The following TRPC6 variants were observed in gnomAD, a reference collection of about 807,000 sequenced individuals.
TRPC6 encodes short transient receptor potential channel 6.
A neutral mutation model predicts 90.7 loss-of-function variants in TRPC6; 55 were observed. The observed-to-expected ratio is 0.61, with a 90% CI of 0.49 to 0.76. TRPC6 has a LOEUF of 0.76. Ranked by LOEUF, TRPC6 falls within the 30% of genes least tolerant of loss-of-function variation. The pLI is 0.00. For missense variants in TRPC6, 989 were observed against 1,122.7 expected, an observed-to-expected ratio of 0.88 and a Z score of 1.70; for synonymous variants, 393 against 393.0, an observed-to-expected ratio of 1.00 and a Z score of 0.00.
Position 101,548,280 on chromosome 11 carries a change from A to ATATATATATATATATAATT in TRPC6, c.170+35053_170+35054insAATTATATATATATATATA, listed in dbSNP as rs71303295. On this transcript the variant is annotated intron_variant, in intron 1 of 12. Transcript: ENST00000344327. ...ATATATACATATATATATAATTTAT[A>ATATATATATATATATAATT]TATATAATTATATATAATTGAAATA... Among the ~76,000 whole-genome samples the ATATATATATATATATAATT allele has an allele frequency of 1.3e-3, 176 of 135,428 alleles. 6 individuals carry two copies. Among genetic ancestry groups the ATATATATATATATATAATT allele is most frequent in the Non-Finnish European group, 1.8e-3 (114 of 61,816 alleles). 88.8% of individuals were successfully genotyped at this position (135,428 alleles called of 152,430 possible).
intron 1 of TRPC6, among the ~76,000 whole-genome samples, chr11:101,573,826 T>C (rs1353260574): frequency 6.6e-6 from 1 of 151,932 alleles, no homozygotes; most frequent in Non-Finnish European, 1.5e-5. Context: ...CCAACATTAA[T>C]AACAATGGCA....
intron 10 of TRPC6, among the ~76,000 whole-genome samples, chr11:101,461,082 G>A (rs1858994208): frequency 6.6e-6 from 1 of 152,158 alleles, no homozygotes; most frequent in South Asian, 2.1e-4. Context: ...TGGTACACAT[G>A]TTAAAAATGA....
At chr11:101,530,140 A>C (rs1479314932) in intron 1 of TRPC6, among the ~76,000 whole-genome samples, 1 of 152,056 alleles carries the variant, frequency 6.6e-6, no homozygotes, top group Non-Finnish European at 1.5e-5. Context: ...ACCTGCTGGG[A>C]GACACACCCA....
chr11:101,460,018 A>G (rs1480602036), intron 10 of TRPC6, among the ~76,000 whole-genome samples: 1 of 152,218 alleles, frequency 6.6e-6, no homozygotes, highest in Non-Finnish European at 1.5e-5. Flanking sequence ...GAAGGGGCAG[A>G]GATGTACACT....
intron 2 of TRPC6, among the ~76,000 whole-genome samples, chr11:101,499,684 C>T (rs1374336064): frequency 8.9e-6 from 1 of 112,882 alleles, no homozygotes; most frequent in South Asian, 2.8e-4. Context: ...TATATATACA[C>T]AATATAAAAT....
chr11:101,507,008 C>CTA, intron 1 of TRPC6, among the ~76,000 whole-genome samples: 1 of 7,798 alleles, frequency 1.3e-4, no homozygotes, highest in Admixed American at 2.2e-3. Context: ...CTCTCTCTAA[C>CTA]ACACACACAC....
At chr11:101,473,798 T>G (rs765047125) in intron 6 of TRPC6, 25 bp from the exon 7 acceptor site, 1 of 1,612,698 alleles carries the variant, frequency 6.2e-7, no homozygotes, top group Admixed American at 1.7e-5. Flanking sequence ...AGACAAAGAG[T>G]TGTGTGAGTT....
chr11:101,487,905 T>C (rs1565213526), intron 4 of TRPC6, among the ~76,000 whole-genome samples: 2 of 152,158 alleles, frequency 1.3e-5, no homozygotes, highest in South Asian at 2.1e-4. Flanking sequence ...GCATGAGTCA[T>C]TTTGAACAGC....
Position 101,583,748 on chromosome 11 carries a change from G to T in TRPC6, c.-245C>A. 2.4e-6 allele frequency: 1 copy of T among 411,206 alleles called. No homozygotes were observed. Among genetic ancestry groups the T allele is most frequent in the Non-Finnish European group, 4.2e-6 (1 of 235,746 alleles). 25.5% of individuals were successfully genotyped at this position (411,206 alleles called of 1,614,324 possible). Reference sequence around the variant, plus strand: ...TCTTGACCTGAGCAGGTCAGGCCGAGGAGACCCCGCGAGGATGCGTCTGGG... The same window carrying T: ...TCTTGACCTGAGCAGGTCAGGCCGATGAGACCCCGCGAGGATGCGTCTGGG... On this transcript the variant is annotated 5_prime_UTR_variant, in exon 1 of 13. Coordinates refer to ENST00000344327, the MANE Select transcript of TRPC6 (RefSeq NM_004621.6).
In TRPC6 at chr11:101,583,805, G is replaced by A; in HGVS notation, c.-302C>T. The A allele has an allele frequency of 2.9e-6, 1 of 340,360 alleles. No homozygotes were observed. Among genetic ancestry groups the A allele is most frequent in the Non-Finnish European group, 5.3e-6 (1 of 188,438 alleles). The allele number at this position is 340,360 out of a possible 1,614,324, so 21.1% of individuals were successfully genotyped here. ...GGGCAGAGAGGGCACAGGCGGGGCC[G>A]CTGGTGGTAGCGAAGCGTAAGAGCG... is the stretch of plus-strand genomic sequence containing the variant. On this transcript the variant is annotated 5_prime_UTR_variant, in exon 1 of 13. Coordinates refer to ENST00000344327, the MANE Select transcript of TRPC6 (RefSeq NM_004621.6).
rs117979882 is a variant in TRPC6 at position 101,573,059 on chromosome 11, T to A, written c.170+10275A>T. On this transcript the variant is annotated intron_variant, in intron 1 of 12. Coordinates refer to ENST00000344327, the MANE Select transcript of TRPC6 (RefSeq NM_004621.6). ...AAGCTCCAAGAATATAAAACTCCAATAAGGTATTTCTAAAAATGCTAAGAT... is the reference window on the plus strand; with the variant it reads ...AAGCTCCAAGAATATAAAACTCCAAAAAGGTATTTCTAAAAATGCTAAGAT... Among the ~76,000 whole-genome samples, 380 of 150,612 alleles carry A rather than the reference T, an allele frequency of 2.5e-3. 17 individuals carry two copies. In the East Asian group the frequency reaches 0.065, roughly 26 times the overall value.
In TRPC6 at chr11:101,528,034, C is replaced by T. The variant is rs1319982151; in HGVS notation, c.171-23236G>A. On this transcript the variant is annotated intron_variant, in intron 1 of 12. Transcript: ENST00000344327. ...GTTGCAATGAGCCGAGATCGTGCCA[C>T]TGCACTCCAGCCTAGGTGACAGAGT... Among the ~76,000 whole-genome samples, 4 of 152,128 alleles carry T rather than the reference C, an allele frequency of 2.6e-5. No individual in the cohort carries two copies. In the East Asian group the frequency reaches 7.7e-4, roughly 29 times the overall value.
intron 12 of TRPC6, among the ~76,000 whole-genome samples, chr11:101,453,421 AC>A (rs1858808935): frequency 6.6e-6 from 1 of 152,006 alleles, no homozygotes; most frequent in South Asian, 2.1e-4. Flanking sequence ...CTCCAAGTCC[AC>A]CATAAGAATG....
At chr11:101,531,095 C>A (rs990161661) in intron 1 of TRPC6, among the ~76,000 whole-genome samples, 5 of 152,204 alleles carry the variant, frequency 3.3e-5, no homozygotes, top group African/African-American at 1.2e-4. Context: ...CATACACACA[C>A]ATACACACAC....
intron 10 of TRPC6, chr11:101,455,699 C>T (rs1858867170): frequency 6.6e-6 from 1 of 152,442 alleles, no homozygotes; most frequent in Admixed American, 6.5e-5. Context: ...TGCAATAAAG[C>T]ATACCTTATT....
chr11:101,565,244 A>G (rs954397558), intron 1 of TRPC6, among the ~76,000 whole-genome samples: 5 of 152,138 alleles, frequency 3.3e-5, no homozygotes, highest in African/African-American at 1.2e-4. Context: ...ACAGCAAAGA[A>G]AACAATCAAC....
chr11:101,565,831 G>A (rs891290215), intron 1 of TRPC6, among the ~76,000 whole-genome samples: 5 of 152,008 alleles, frequency 3.3e-5, no homozygotes, highest in African/African-American at 4.8e-5. Context: ...CACAGTAACT[G>A]TTTCATAGGG....
intron 12 of TRPC6, 120 bp downstream of exon 12, chr11:101,453,530 T>C: frequency 1.0e-6 from 1 of 992,454 alleles, no homozygotes; most frequent in South Asian, 1.3e-5. Context: ...GATCCTGTTC[T>C]ACTTTTCCCC....
In TRPC6 at chr11:101,478,029, C is replaced by T. The variant is rs532222601; in HGVS notation, c.1511-1495G>A. Among the ~76,000 whole-genome samples, 7 of 152,294 alleles carry T rather than the reference C, an allele frequency of 4.6e-5. No homozygotes were observed. In the East Asian group the frequency reaches 1.2e-3, roughly 25 times the overall value. On this transcript the variant is annotated intron_variant, in intron 5 of 12. Transcript: ENST00000344327. The stretch of plus-strand genomic sequence containing the variant: ...GCCTCCATCAAGAAGTCCTTCACAG[C>T]CTCGAGTTGAAAATAATCTTCTCCT...
Sources: gnomAD v4.1 joint callset for allele counts (sites outside exome capture counted in the v4.1 genomes callset) on GRCh38, gnomAD v4.1.1 for gene constraint, MANE v1.5 for transcripts, NCBI Gene and HGNC (gene_info 2026-07-23, HGNC 2026-07-21) for gene names.